TXNDC8: variants seen among roughly 807,000 people sequenced by gnomAD.
TXNDC8 encodes thioredoxin domain-containing protein 8.
Under a neutral mutation model 12.9 loss-of-function variants are expected in TXNDC8, and 15 were observed. The observed-to-expected ratio is 1.16, with a 90% CI of 0.78 to 1.79. TXNDC8 has a LOEUF of 1.79. Ranked by LOEUF, TXNDC8 falls within the 40% of genes most tolerant of loss-of-function variation. The probability of loss-of-function intolerance (pLI) is 0.00; values close to 1 mark genes in which losing one functional copy is unlikely to be tolerated. For missense variants in TXNDC8, 128 were observed against 113.2 expected, an observed-to-expected ratio of 1.13 and a Z score of -0.59; for synonymous variants, 40 against 35.4, an observed-to-expected ratio of 1.13 and a Z score of -0.46.
intron 3 of TXNDC8, among the ~76,000 whole-genome samples, chr9:110,310,758 A>G (rs911103533): frequency 1.1e-4 from 17 of 152,196 alleles, no homozygotes; most frequent in African/African-American, 4.1e-4. Context: ...GCCAGCATAC[A>G]TTTTTGTTTG....
intron 2 of TXNDC8, among the ~76,000 whole-genome samples, chr9:110,333,562 T>C (rs1839626038): frequency 6.6e-6 from 1 of 151,440 alleles, no homozygotes; most frequent in Admixed American, 6.6e-5. Flanking sequence ...GATTCCATGT[T>C]AAGTGTTCTT....
chr9:110,303,453 T>C, downstream of TXNDC8: 10 of 1,480,124 alleles, frequency 6.8e-6, no homozygotes, highest in Non-Finnish European at 9.1e-6. Context: ...TTGCTGGAAA[T>C]GAAAGCACAA....
chr9:110,333,319 CA>C (rs1839614685), intron 2 of TXNDC8, among the ~76,000 whole-genome samples: 1 of 152,130 alleles, frequency 6.6e-6, no homozygotes, highest in African/African-American at 2.4e-5. Context: ...CTGAACTGTG[CA>C]TGTGAGGGAG....
chr9:110,317,742 T>G (rs1037125892), intron 3 of TXNDC8, among the ~76,000 whole-genome samples: 1 of 152,216 alleles, frequency 6.6e-6, no homozygotes, highest in Non-Finnish European at 1.5e-5. Flanking sequence ...AGTGTAGCAT[T>G]ATGACTACTT....
chr9:110,302,890 CCT>C (rs1191662177), downstream of TXNDC8, among the ~76,000 whole-genome samples: 8 of 152,086 alleles, frequency 5.3e-5, no homozygotes, highest in Non-Finnish European at 1.2e-4. Context: ...ATAGTGAACC[CCT>C]GTTTCTACTA....
rs535791052 is a variant in TXNDC8, at chr9:110,303,661, T to A, written c.*21A>T. The A allele has an allele frequency of 6.2e-7, 1 of 1,600,628 alleles. No individual in the cohort carries two copies. The highest frequency in any genetic ancestry group is 1.3e-5 in the African/African-American group (1 of 74,482). ...ATGTTGAGGCTTTAAGGAATTTTAT[T>A]CCTGATTGAAAAGTTAAATCCTACT... On this transcript the variant is annotated 3_prime_UTR_variant, in exon 5 of 5. Coordinates refer to ENST00000423740, the MANE Select transcript of TXNDC8 (RefSeq NM_001286946.2).
At chr9:110,303,987 C>G (rs747804339) in intron 4 of TXNDC8, among the ~76,000 whole-genome samples, 1 of 152,160 alleles carries the variant, frequency 6.6e-6, no homozygotes, top group Non-Finnish European at 1.5e-5. Context: ...CCTGACTTCT[C>G]CCCAGGTAAG....
At chr9:110,331,605 A>C (rs1229601779) in intron 2 of TXNDC8, among the ~76,000 whole-genome samples, 1 of 152,062 alleles carries the variant, frequency 6.6e-6, no homozygotes, top group Admixed American at 6.6e-5. Flanking sequence ...AACCTTTTTG[A>C]TACCAGGGAC....
At chr9:110,337,410 T>C (rs1029841313) in intron 1 of TXNDC8, among the ~76,000 whole-genome samples, 1 of 152,224 alleles carries the variant, frequency 6.6e-6, no homozygotes, top group African/African-American at 2.4e-5. Context: ...TTTCCTTGGA[T>C]AAGAGAAAAG....
downstream of TXNDC8, chr9:110,303,382 T>TCTCGG: frequency 1.0e-6 from 1 of 959,936 alleles, no homozygotes. Flanking sequence ...TGCAGTGAGA[T>TCTCGG]TGCATTATGG....
chr9:110,314,904 A>G (rs111365401), intron 3 of TXNDC8, among the ~76,000 whole-genome samples: 8,362 of 152,214 alleles, frequency 0.055, 282 homozygotes, highest in Middle Eastern at 0.095. Flanking sequence ...CAACCCTAGT[A>G]ATAACTGCTA....
intron 3 of TXNDC8, chr9:110,322,785 G>C (rs1262558282): frequency 5.1e-6 from 5 of 985,552 alleles, no homozygotes; most frequent in Non-Finnish European, 4.8e-6. Context: ...TGAGCTGGCA[G>C]TGGGATGCAG....
At chr9:110,306,708 G>T (rs1019097190) in intron 3 of TXNDC8, among the ~76,000 whole-genome samples, 1 of 152,138 alleles carries the variant, frequency 6.6e-6, no homozygotes, top group African/African-American at 2.4e-5. Flanking sequence ...ATTATCCAAA[G>T]AATTCCTGAC....
chr9:110,304,331 T>G (rs1838343047), intron 4 of TXNDC8, 136 bp downstream of exon 5: 13 of 717,970 alleles, frequency 1.8e-5, no homozygotes, highest in Non-Finnish European at 2.9e-5. Flanking sequence ...CCCGGTGTGC[T>G]GCAGGGAGAA....
chr9:110,333,321 T>C (rs1453181178), intron 2 of TXNDC8, among the ~76,000 whole-genome samples: 1 of 152,138 alleles, frequency 6.6e-6, no homozygotes, highest in Middle Eastern at 3.2e-3. Flanking sequence ...GAACTGTGCA[T>C]GTGAGGGAGC....
At chr9:110,302,320 G>A (rs1838287190), downstream of TXNDC8, among the ~76,000 whole-genome samples, 1 of 152,050 alleles carries the variant, frequency 6.6e-6, no homozygotes. Flanking sequence ...ATTTTTTGTA[G>A]AGACAGGGTT....
rs1237750262 is a variant in TXNDC8, at chr9:110,305,783, CTTTTCTTTCT to C, written c.196-1261_196-1252del. ...CCTTCCCTTTCTTTTCTTTTCTTTT[CTTTTCTTTCT>C]TTTCTTTTCTTTTCTTTCCTTTCCT... On this transcript the variant is annotated intron_variant, in intron 3 of 4. Transcript: ENST00000423740. Among the ~76,000 whole-genome samples the C allele has an allele frequency of 5.4e-4, 46 of 85,362 alleles. 1 individual carries two copies. Among genetic ancestry groups the C allele is most frequent in the Middle Eastern group, 6.3e-3 (1 of 158 alleles). 56.0% of individuals were successfully genotyped at this position (85,362 alleles called of 152,430 possible). A position where few individuals can be genotyped will look rare whatever the true frequency, so the allele number is the denominator to read the frequency against.
At position 110,304,134 on chromosome 9, in the gene TXNDC8, T is replaced by C. The variant is rs146089489; in HGVS notation, c.261+333A>G. On this transcript the variant is annotated intron_variant, in intron 4 of 4. Transcript: ENST00000423740. ...TCTTAGTGGTATATAAAATAATGCA[T>C]CTTTTTTGAAGAAAGATGGAATTCA... Among the ~76,000 whole-genome samples the C allele has an allele frequency of 4.2e-3, 635 of 152,326 alleles. 5 individuals carry two copies. Among genetic ancestry groups the C allele is most frequent in the Middle Eastern group, 0.01 (3 of 294 alleles).
chr9:110,322,552 C>T (rs1213081580), intron 3 of TXNDC8: 1 of 985,314 alleles, frequency 1.0e-6, no homozygotes, highest in Non-Finnish European at 1.2e-6. Context: ...AGGGCCATGC[C>T]TTTCCTCAAA....
Sources: gnomAD v4.1 joint callset for allele counts (sites outside exome capture counted in the v4.1 genomes callset) on GRCh38, gnomAD v4.1.1 for gene constraint, MANE v1.5 for transcripts, NCBI Gene and HGNC (gene_info 2026-07-23, HGNC 2026-07-21) for gene names.